Variants in FLNB observed in about 807,000 individuals in gnomAD.
FLNB encodes the protein filamin-B.
Under a neutral mutation model 250.6 loss-of-function variants are expected in FLNB, and 111 were observed. That is an observed-to-expected ratio of 0.44 (90% confidence interval 0.38 to 0.52). FLNB has a LOEUF of 0.52. Ranked by LOEUF, FLNB falls within the 20% of genes least tolerant of loss-of-function variation. FLNB has a pLI of 0.00. For synonymous variants in FLNB, 1,302 were observed against 1,372.1 expected, an observed-to-expected ratio of 0.95 and a Z score of 1.13; for missense variants, 2,869 against 3,447.8, an observed-to-expected ratio of 0.83 and a Z score of 4.20.
chr3:58,112,134 A>G lies in FLNB; in HGVS notation c.2576-15A>G, dbSNP rs762994954. ...CAGCTGGTCTGTCTCCTCACTTCAC[A>G]GTATATCTTTCCAGGTGTGGAAAAT... is the stretch of plus-strand genomic sequence containing the variant. On this transcript the variant is annotated splice_polypyrimidine_tract_variant and intron_variant, in intron 17 of 45. Transcript: ENST00000295956. 2 of 1,613,410 alleles carry G rather than the reference A, an allele frequency of 1.2e-6. No homozygotes were observed. The highest frequency in any genetic ancestry group is 2.2e-5 in the South Asian group (2 of 91,000).
chr3:58,096,432 A>G (rs1476567854), intron 6 of FLNB, among the ~76,000 whole-genome samples: 1 of 152,208 alleles, frequency 6.6e-6, no homozygotes, highest in Non-Finnish European at 1.5e-5. Flanking sequence ...TTCCAACTCC[A>G]TCTAGGTAAC....
chr3:58,134,857 C>G, intron 27 of FLNB, 85 bp downstream of exon 27: 2 of 1,239,160 alleles, frequency 1.6e-6, no homozygotes, highest in Non-Finnish European at 2.3e-6. Context: ...TTTCAATAAC[C>G]GATTTCTGAC....
chr3:58,027,174 A>G (rs940771503), intron 1 of FLNB, among the ~76,000 whole-genome samples: 5 of 151,140 alleles, frequency 3.3e-5, no homozygotes, highest in African/African-American at 1.2e-4. Context: ...TTTTTTCCAG[A>G]CAGGGTCTCC....
intron 18 of FLNB, among the ~76,000 whole-genome samples, chr3:58,115,136 T>C (rs2097275664): frequency 6.6e-6 from 1 of 152,198 alleles, no homozygotes; most frequent in South Asian, 2.1e-4. Context: ...CTAACACTTT[T>C]ATAGATAGAG....
rs113246208 is a variant in FLNB, at chr3:58,149,526, C to T, written c.6092-324C>T. 3.6e-3 allele frequency: 1,475 copies of T among 406,716 alleles called. 15 individuals are homozygous for T. The highest frequency in any genetic ancestry group is 0.023 in the African/African-American group (1,153 of 49,174). The allele number at this position is 406,716 out of a possible 1,614,324, so 25.2% of individuals were successfully genotyped here. ...CTGTGGATAAACCCCCAAGGTGGTA[C>T]GTGCAGTACTTGGAGGCGTGAGGGC... On this transcript the variant is annotated intron_variant, in intron 36 of 45. Coordinates refer to ENST00000295956, the MANE Select transcript of FLNB (RefSeq NM_001457.4).
intron 21 of FLNB, 35 bp downstream of exon 21, chr3:58,123,725 A>G: frequency 1.4e-6 from 2 of 1,407,002 alleles, no homozygotes; most frequent in Non-Finnish European, 9.8e-7. Context: ...AAAAAAAAAA[A>G]AGACAAGCTG....
intron 29 of FLNB, among the ~76,000 whole-genome samples, chr3:58,139,892 C>T (rs752899771): frequency 4.6e-5 from 7 of 152,108 alleles, no homozygotes; most frequent in Non-Finnish European, 1.0e-4. Flanking sequence ...GGAAGGTCTA[C>T]GTGAGAAAGT....
chr3:58,151,627 A>T (rs1390610234), intron 38 of FLNB, among the ~76,000 whole-genome samples: 1 of 152,220 alleles, frequency 6.6e-6, no homozygotes, highest in East Asian at 1.9e-4. Context: ...CAAAAAATAG[A>T]CATCCACATC....
Position 58,030,193 on chromosome 3 carries a change from T to C in FLNB, c.292+21337T>C, listed in dbSNP as rs570903269. 6.6e-5 allele frequency among the ~76,000 whole-genome samples: 10 copies of C among 152,060 alleles called. No homozygotes were observed. In the South Asian group the frequency reaches 2.1e-3, roughly 32 times the overall value. Reference sequence around the variant, plus strand: ...AAATGGCACCATGAGCCCTGAGACATTGTGTATGGGGTGAATCGGATAGCA... The same window carrying C: ...AAATGGCACCATGAGCCCTGAGACACTGTGTATGGGGTGAATCGGATAGCA... On this transcript the variant is annotated intron_variant, in intron 1 of 45. Transcript: ENST00000295956.
intron 1 of FLNB, among the ~76,000 whole-genome samples, chr3:58,057,090 C>T (rs1362426803): frequency 6.6e-6 from 1 of 152,174 alleles, no homozygotes; most frequent in African/African-American, 2.4e-5. Flanking sequence ...ATCCTCCCAC[C>T]TCAGTCTCCT....
chr3:58,021,003 A>C (rs2097113222), intron 1 of FLNB, among the ~76,000 whole-genome samples: 1 of 152,004 alleles, frequency 6.6e-6, no homozygotes, highest in Non-Finnish European at 1.5e-5. Context: ...TGGTGGCTAA[A>C]ATAGGATTTC....
intron 38 of FLNB, among the ~76,000 whole-genome samples, chr3:58,151,681 A>G (rs1176700920): frequency 6.6e-6 from 1 of 152,226 alleles, no homozygotes; most frequent in Non-Finnish European, 1.5e-5. Flanking sequence ...ATTCAATGGA[A>G]CTATTGGTGA....
chr3:58,122,164 G>A (rs1257605997), intron 20 of FLNB, among the ~76,000 whole-genome samples: 63 of 89,848 alleles, frequency 7.0e-4, no homozygotes, highest in Admixed American at 1.5e-3. Context: ...GCAAGACTCC[G>A]TCTCAAAAAA....
At chr3:58,161,732 G>C (rs987982950) in intron 42 of FLNB, among the ~76,000 whole-genome samples, 1 of 152,170 alleles carries the variant, frequency 6.6e-6, no homozygotes, top group East Asian at 1.9e-4. Flanking sequence ...TATTTCTGCT[G>C]TTCTGCTTTG....
At position 58,169,318 on chromosome 3, in the gene FLNB, G is replaced by A; in HGVS notation, c.7418-272G>A. The A allele has an allele frequency of 2.0e-6, 1 of 507,504 alleles. No individual in the cohort carries two copies. The highest frequency in any genetic ancestry group is 2.2e-5 in the South Asian group (1 of 45,068). The allele number at this position is 507,504 out of a possible 1,614,324, so 31.4% of individuals were successfully genotyped here. A position where few individuals can be genotyped will look rare whatever the true frequency, so the allele number is the denominator to read the frequency against. ...GAATTCCACAGGCACATCTTTGGTGGGTAGGGGGTGGGGGGATTGGGAGGG... is the reference window on the plus strand; with the variant it reads ...GAATTCCACAGGCACATCTTTGGTGAGTAGGGGGTGGGGGGATTGGGAGGG... On this transcript the variant is annotated intron_variant, in intron 44 of 45. Coordinates refer to ENST00000295956, the MANE Select transcript of FLNB (RefSeq NM_001457.4). The surrounding 1 kb of genome is among the most constrained non-coding windows in gnomAD (Gnocchi z 4.8).
At chr3:58,073,039 T>G (rs2097196836) in intron 1 of FLNB, among the ~76,000 whole-genome samples, 2 of 152,224 alleles carry the variant, frequency 1.3e-5, no homozygotes, top group African/African-American at 4.8e-5. Context: ...TTTTGCAGAC[T>G]AATGCCTGTG....
At chr3:58,063,902 A>G (rs1343061181) in intron 1 of FLNB, among the ~76,000 whole-genome samples, 5 of 152,104 alleles carry the variant, frequency 3.3e-5, no homozygotes, top group African/African-American at 9.7e-5. Context: ...TTAACTTTTT[A>G]TTATAAAAGG....
chr3:58,163,589 C>T, intron 43 of FLNB: 1 of 510,680 alleles, frequency 2.0e-6, no homozygotes. Flanking sequence ...CCTTCCTCTG[C>T]CAAGTTTCTT....
chr3:58,066,438 C>T (rs1001583895), intron 1 of FLNB, among the ~76,000 whole-genome samples: 3 of 152,048 alleles, frequency 2.0e-5, no homozygotes, highest in African/African-American at 4.8e-5. Context: ...AGGCTGGTCT[C>T]GAACTCCTGA....
Sources: allele counts gnomAD v4.1 joint callset (sites outside exome capture counted in the v4.1 genomes callset), GRCh38; gene constraint gnomAD v4.1.1; non-coding constraint Gnocchi (gnomAD v3.1); transcripts MANE v1.5; gene names NCBI Gene and HGNC (gene_info 2026-07-23, HGNC 2026-07-21).